The following CDKAL1 variants were observed in gnomAD, a reference collection of about 807,000 sequenced individuals.
CDKAL1 encodes the protein threonylcarbamoyladenosine tRNA methylthiotransferase.
CDKAL1 carries 32 observed loss-of-function variants against 68.2 expected under a neutral mutation model. That is an observed-to-expected ratio of 0.47 (90% CI 0.35 to 0.63). The LOEUF is 0.63. Among genes scored for constraint, CDKAL1 ranks in the 30% least tolerant of loss-of-function variants. The pLI is 0.00. For missense variants in CDKAL1, 606 were observed against 696.7 expected (o/e 0.87, Z 1.47); for synonymous variants, 234 against 244.3 (o/e 0.96, Z 0.39).
intron 4 of CDKAL1, among the ~76,000 whole-genome samples, chr6:20,627,819 C>G (rs570392276): frequency 1.3e-5 from 2 of 152,184 alleles, no homozygotes; most frequent in East Asian, 3.9e-4. Flanking sequence ...TAGCTATACA[C>G]CTAAGTATTT....
At chr6:21,170,596 G>A (rs1017217734) in intron 13 of CDKAL1, among the ~76,000 whole-genome samples, 1 of 152,136 alleles carries the variant, frequency 6.6e-6, no homozygotes, top group Non-Finnish European at 1.5e-5. Flanking sequence ...CCAAAGTGCT[G>A]GGATTACAGG....
intron 11 of CDKAL1, among the ~76,000 whole-genome samples, chr6:21,027,588 G>A (rs1769031143): frequency 6.6e-6 from 1 of 152,158 alleles, no homozygotes; most frequent in Non-Finnish European, 1.5e-5. Flanking sequence ...GTTATCACCA[G>A]AATGGGTTAG....
chr6:20,745,731 AT>A (rs1182616954), intron 6 of CDKAL1, among the ~76,000 whole-genome samples: 1 of 152,196 alleles, frequency 6.6e-6, no homozygotes, highest in Non-Finnish European at 1.5e-5. Flanking sequence ...CTAAAAAAAA[AT>A]CGCCAAAAAA....
chr6:20,757,728 A>C (rs1471851274), intron 6 of CDKAL1, among the ~76,000 whole-genome samples: 3 of 152,220 alleles, frequency 2.0e-5, no homozygotes, highest in African/African-American at 7.2e-5. Context: ...GATTTCTTTC[A>C]ACTGACTTCC....
intron 4 of CDKAL1, among the ~76,000 whole-genome samples, chr6:20,585,536 A>G (rs146982204): frequency 2.0e-5 from 3 of 152,136 alleles, no homozygotes; most frequent in African/African-American, 7.2e-5. Context: ...GCTCTCATCA[A>G]GTTCACCAAT....
intron 6 of CDKAL1, among the ~76,000 whole-genome samples, chr6:20,757,487 C>T (rs369474889): frequency 2.8e-4 from 42 of 152,072 alleles, no homozygotes; most frequent in East Asian, 9.6e-4. Flanking sequence ...CCAAAGACCC[C>T]GGGACCTCAC....
chr6:20,748,555 GAAAAAAAAAAAAAAAAAAAAAAA>G (rs760404728), intron 6 of CDKAL1, among the ~76,000 whole-genome samples: 11 of 28,740 alleles, frequency 3.8e-4, no homozygotes, highest in South Asian at 3.5e-3. Flanking sequence ...TCTGTTTCTG[GAAAAAAAAAAAAAAAAAAAAAAA>G]AAAAAAAAAA....
intron 4 of CDKAL1, among the ~76,000 whole-genome samples, chr6:20,563,822 C>G (rs1273217418): frequency 6.6e-6 from 1 of 152,044 alleles, no homozygotes; most frequent in Non-Finnish European, 1.5e-5. Flanking sequence ...ATACTAAAAG[C>G]AATCAAACGA....
intron 9 of CDKAL1, among the ~76,000 whole-genome samples, chr6:20,938,574 TA>T (rs1218749533): frequency 3.3e-5 from 5 of 152,228 alleles, no homozygotes; most frequent in African/African-American, 1.2e-4. Context: ...AATGAAATAA[TA>T]TTTTTTTCTC....
intron 11 of CDKAL1, among the ~76,000 whole-genome samples, chr6:21,006,817 T>C (rs1003249621): frequency 6.6e-6 from 1 of 152,178 alleles, no homozygotes; most frequent in Admixed American, 6.5e-5. Flanking sequence ...TGTAGTCTGG[T>C]CAAGAAAGGA....
intron 5 of CDKAL1, among the ~76,000 whole-genome samples, chr6:20,696,795 T>A (rs1310866231): frequency 6.6e-6 from 1 of 152,194 alleles, no homozygotes; most frequent in African/African-American, 2.4e-5. Context: ...TATGACCCTG[T>A]TTGCTGCTCA....
intron 5 of CDKAL1, among the ~76,000 whole-genome samples, chr6:20,662,016 G>GAA (rs1769305664): frequency 6.6e-6 from 1 of 152,072 alleles, no homozygotes; most frequent in African/African-American, 2.4e-5. Context: ...AGCCAAGAGT[G>GAA]ATTTCCTATT....
At chr6:20,554,315 G>T (rs767354989) in intron 4 of CDKAL1, among the ~76,000 whole-genome samples, 8 of 152,210 alleles carry the variant, frequency 5.3e-5, no homozygotes, top group Non-Finnish European at 1.0e-4. Context: ...GCTTTTTAAA[G>T]AAATGAATGT....
intron 9 of CDKAL1, among the ~76,000 whole-genome samples, chr6:20,888,778 C>T (rs1006277622): frequency 2.0e-5 from 3 of 151,992 alleles, no homozygotes; most frequent in Non-Finnish European, 2.9e-5. Context: ...CGTTGTTGGA[C>T]GTTTGGGTTG....
Position 20,634,999 on chromosome 6 carries a change from G to C in CDKAL1, c.287-14294G>C, listed in dbSNP as rs186329731. 3.0e-4 allele frequency among the ~76,000 whole-genome samples: 40 copies of C among 133,354 alleles called. No individual in the cohort carries two copies. The East Asian group carries it at 9.0e-3, about 30-fold the overall frequency. The allele number at this position is 133,354 out of a possible 152,430, so 87.5% of individuals were successfully genotyped here. A position where few individuals can be genotyped will look rare whatever the true frequency, so the allele number is the denominator to read the frequency against. ...TCTCAAAAAAAAAAAAAAAAAAAAAGAAGAAAGAAAAAAAGGATGATTCCT... is the reference window on the plus strand; with the variant it reads ...TCTCAAAAAAAAAAAAAAAAAAAAACAAGAAAGAAAAAAAGGATGATTCCT... On this transcript the variant is annotated intron_variant, in intron 4 of 15. Transcript: ENST00000274695.
chr6:21,231,924 T>C lies in CDKAL1; in HGVS notation c.*885T>C, dbSNP rs894016767. Reference sequence around the variant, plus strand: ...ACTCCTGGCAACATTCTGTGAAATATGAAACTGGAAAACTGGATTTGTCGA... The same window carrying C: ...ACTCCTGGCAACATTCTGTGAAATACGAAACTGGAAAACTGGATTTGTCGA... On this transcript the variant is annotated 3_prime_UTR_variant, in exon 16 of 16. Coordinates refer to ENST00000274695, the MANE Select transcript of CDKAL1 (RefSeq NM_017774.3). 1.3e-5 allele frequency: 2 copies of C among 151,746 alleles called. No individual in the cohort carries two copies. Among genetic ancestry groups the C allele is most frequent in the Admixed American group, 1.3e-4 (2 of 15,214 alleles). The allele number at this position is 151,746 out of a possible 1,614,324, so 9.4% of individuals were successfully genotyped here.
chr6:21,204,563 T>G (rs1015488466), intron 15 of CDKAL1, among the ~76,000 whole-genome samples: 3 of 152,186 alleles, frequency 2.0e-5, no homozygotes, highest in Admixed American at 6.5e-5. Context: ...GGCGTGCTTA[T>G]CGTAGCCAAA....
chr6:20,591,110 A>G (rs1479613801), intron 4 of CDKAL1, among the ~76,000 whole-genome samples: 1 of 152,204 alleles, frequency 6.6e-6, no homozygotes, highest in Admixed American at 6.5e-5. Context: ...ATGACCAGTG[A>G]TGATGAGCTT....
intron 5 of CDKAL1, among the ~76,000 whole-genome samples, chr6:20,672,318 G>A (rs779017030): frequency 4.9e-4 from 55 of 112,960 alleles, no homozygotes; most frequent in Non-Finnish European, 9.1e-4. Context: ...CTCCCTCTCC[G>A]TCTCTTTCTC....
Sources: allele counts gnomAD v4.1 joint callset (sites outside exome capture counted in the v4.1 genomes callset), GRCh38; gene constraint gnomAD v4.1.1; transcripts MANE v1.5; gene names NCBI Gene and HGNC (gene_info 2026-07-23, HGNC 2026-07-21).